The following FREM2 variants were observed in gnomAD, a reference collection of about 807,000 sequenced individuals.
The protein encoded by FREM2 is FRAS1-related extracellular matrix protein 2.
FREM2 carries 119 observed loss-of-function variants against 219.9 expected under a neutral mutation model. The ratio of observed to expected loss-of-function variants is 0.54; its 90% CI spans 0.47 to 0.63. The LOEUF (loss-of-function observed/expected upper bound fraction) is 0.63. FREM2 is among the 30% of genes least tolerant of loss of function. FREM2 has a pLI of 0.00. For synonymous variants in FREM2, 1,562 were observed against 1,522.8 expected, an observed-to-expected ratio of 1.03 and a Z score of -0.60; for missense variants, 4,030 against 3,993.6, an observed-to-expected ratio of 1.01 and a Z score of -0.25.
intron 2 of FREM2, among the ~76,000 whole-genome samples, chr13:38,706,420 A>T (rs146467553): frequency 6.6e-6 from 1 of 152,192 alleles, no homozygotes; most frequent in Admixed American, 6.5e-5. Flanking sequence ...TCATAGAGAA[A>T]AAAGCAAGTA....
intron 6 of FREM2, among the ~76,000 whole-genome samples, chr13:38,845,247 CAACTT>C (rs67753331): frequency 0.12 from 18,710 of 152,124 alleles, 1,362 homozygotes; most frequent in Admixed American, 0.21. Flanking sequence ...AAATCATACT[CAACTT>C]GAACAATGCA....
At chr13:38,724,026 A>G (rs1871409061) in intron 2 of FREM2, among the ~76,000 whole-genome samples, 1 of 152,134 alleles carries the variant, frequency 6.6e-6, no homozygotes, top group Admixed American at 6.6e-5. Flanking sequence ...TACAATTCAA[A>G]TGTTCTGGAG....
chr13:38,690,635 C>T lies in FREM2; in HGVS notation c.3291C>T (p.Ser1097=). The T allele has an allele frequency of 6.2e-7, 1 of 1,613,652 alleles. No individual in the cohort carries two copies. The highest frequency in any genetic ancestry group is 8.5e-7 in the Non-Finnish European group (1 of 1,179,838). ...SVHISAEDVD[S]LNDDILCTIV... ...ATATAAGTGCTGAAGATGTCGACTC[C>T]CTGAATGATGACATCTTGTGCACTA... is the stretch of plus-strand genomic sequence containing the variant. Residue 1097 remains serine (S), a synonymous_variant, in exon 1 of 24, where the codon TCC becomes TCT. Transcript: ENST00000280481.
chr13:38,732,038 T>A (rs780953640), intron 2 of FREM2, among the ~76,000 whole-genome samples: 12 of 152,214 alleles, frequency 7.9e-5, no homozygotes, highest in Non-Finnish European at 5.9e-5. Context: ...TTACTTTGTG[T>A]TCAGTTAAAT....
intron 6 of FREM2, among the ~76,000 whole-genome samples, chr13:38,828,653 G>A (rs1259935330): frequency 2.6e-5 from 4 of 152,036 alleles, no homozygotes; most frequent in Non-Finnish European, 5.9e-5. Context: ...CCAGTTTATA[G>A]TGAGCTATGA....
chr13:38,695,638 C>G (rs942387758), intron 1 of FREM2, among the ~76,000 whole-genome samples: 3 of 152,208 alleles, frequency 2.0e-5, no homozygotes, highest in East Asian at 1.9e-4. Context: ...TCCACATGGC[C>G]AGAGGTCATG....
At chr13:38,807,202 T>C (rs1337998759) in intron 6 of FREM2, among the ~76,000 whole-genome samples, 1 of 98,578 alleles carries the variant, frequency 1.0e-5, no homozygotes, top group African/African-American at 4.3e-5. Flanking sequence ...TATATATATA[T>C]ATATATATAT....
intron 2 of FREM2, among the ~76,000 whole-genome samples, chr13:38,734,372 G>A (rs546233224): frequency 4.6e-5 from 7 of 152,056 alleles, no homozygotes; most frequent in Non-Finnish European, 8.8e-5. Context: ...AAGAAGAAAC[G>A]TATTTCTTTC....
At chr13:38,856,300 T>A in intron 12 of FREM2, 44 bp downstream of exon 12, 1 of 1,575,114 alleles carries the variant, frequency 6.3e-7, no homozygotes, top group East Asian at 2.3e-5. Context: ...TAGCAGTTTG[T>A]CAGAGGAAAT....
rs1034768349 is a variant in FREM2 at position 38,856,253 on chromosome 13, G to A, written c.7053G>A (p.Met2351Ile). 8.7e-6 allele frequency: 14 copies of A among 1,611,608 alleles called. No homozygotes were observed. In the African/African-American group the frequency reaches 1.1e-4, roughly 12 times the overall value. ...LKPDENMIAE[M>I]QLTKAIVYIE... Reference sequence around the variant, plus strand: ...CTGATGAAAATATGATAGCAGAGATGCAGGTAAGTAATGTAATGTGTATGT... The same window carrying A: ...CTGATGAAAATATGATAGCAGAGATACAGGTAAGTAATGTAATGTGTATGT... Residue 2351 changes from methionine to isoleucine, a missense_variant, in exon 12 of 24, where the codon ATG becomes ATA. Coordinates refer to ENST00000280481, the MANE Select transcript of FREM2 (RefSeq NM_207361.6).
chr13:38,752,691 C>A (rs1213847768), intron 2 of FREM2, among the ~76,000 whole-genome samples: 1 of 152,068 alleles, frequency 6.6e-6, no homozygotes, highest in Non-Finnish European at 1.5e-5. Context: ...GTGGATATAC[C>A]ACATTTTCAA....
chr13:38,738,907 A>T (rs1232324080), intron 2 of FREM2, among the ~76,000 whole-genome samples: 3 of 152,186 alleles, frequency 2.0e-5, no homozygotes, highest in African/African-American at 4.8e-5. Context: ...GGTGAAACAG[A>T]TGAGATTTTT....
chr13:38,768,543 C>G lies in FREM2; in HGVS notation c.5411-1035C>G, dbSNP rs150436096. Reference sequence around the variant, plus strand: ...CCACCCACCTCGCCCTTCCAAACTGCTGGGATGATAAACCTGAGCCACCAT... The same window carrying G: ...CCACCCACCTCGCCCTTCCAAACTGGTGGGATGATAAACCTGAGCCACCAT... On this transcript the variant is annotated intron_variant, in intron 3 of 23. Coordinates refer to ENST00000280481, the MANE Select transcript of FREM2 (RefSeq NM_207361.6). Among the ~76,000 whole-genome samples, 629 of 152,270 alleles carry G rather than the reference C, an allele frequency of 4.1e-3. 7 individuals carry two copies. The highest frequency in any genetic ancestry group is 0.014 in the African/African-American group (586 of 41,546).
Position 38,880,792 on chromosome 13 carries a change from T to A in FREM2, c.*5T>A. The A allele has an allele frequency of 6.2e-7, 1 of 1,614,070 alleles. No homozygotes were observed. The highest frequency in any genetic ancestry group is 1.1e-5 in the South Asian group (1 of 91,088). On this transcript the variant is annotated 3_prime_UTR_variant, in exon 24 of 24. Transcript: ENST00000280481. ...AATGACAGCTCAGAAGTTTGATGAC[T>A]GCAGGTAGAATTCAACCTTTTCCGT... is the stretch of plus-strand genomic sequence containing the variant.
At chr13:38,747,206 G>T (rs1452284819) in intron 2 of FREM2, among the ~76,000 whole-genome samples, 2 of 152,076 alleles carry the variant, frequency 1.3e-5, no homozygotes, top group African/African-American at 4.8e-5. Flanking sequence ...TATCATTAAG[G>T]TATTAAAAGA....
In FREM2 at chr13:38,881,008, A is replaced by G. The variant is rs1878527312; in HGVS notation, c.*221A>G. ...TTCCTCTTGCCCCAAAGGCAGCAAC[A>G]ACGTACTCATATGTACACAGAGCCA... On this transcript the variant is annotated 3_prime_UTR_variant, in exon 24 of 24. Coordinates refer to ENST00000280481, the MANE Select transcript of FREM2 (RefSeq NM_207361.6). 1.6e-6 allele frequency: 1 copy of G among 619,208 alleles called. No homozygotes were observed. The highest frequency in any genetic ancestry group is 2.4e-5 in the Admixed American group (1 of 42,478). The allele number at this position is 619,208 out of a possible 1,614,324, so 38.4% of individuals were successfully genotyped here.
Position 38,688,639 on chromosome 13 carries a change from A to G in FREM2, c.1295A>G (p.Lys432Arg). ...CCTTTTGCCTTCATGGTAGTGGTGA[A>G]GCCCATGAACACAATGGCTCCGGTG... ...SDPFAFMVVV[K>R]PMNTMAPVVT... Residue 432 changes from lysine (K) to arginine (R), a missense_variant, in exon 1 of 24, where the codon AAG (lysine) becomes AGG (arginine). Lys to Arg is a conservative substitution (Grantham distance 26). Around this residue, in one of 2 missense-constraint regions of FREM2, gnomAD observed 3,102 missense variants for 2,950.7 expected, o/e 1.05. Transcript: ENST00000280481. 1 of 1,614,108 alleles carries G rather than the reference A, an allele frequency of 6.2e-7. No individual in the cohort carries two copies. The highest frequency in any genetic ancestry group is 8.5e-7 in the Non-Finnish European group (1 of 1,179,958).
intron 2 of FREM2, among the ~76,000 whole-genome samples, chr13:38,732,576 A>T (rs1424970563): frequency 6.6e-6 from 1 of 152,196 alleles, no homozygotes; most frequent in African/African-American, 2.4e-5. Flanking sequence ...AGTGGTGTGG[A>T]AAGCCGGGGG....
chr13:38,835,120 T>C (rs1876658079), intron 6 of FREM2, among the ~76,000 whole-genome samples: 1 of 152,234 alleles, frequency 6.6e-6, no homozygotes, highest in South Asian at 2.1e-4. Context: ...CAGTTAATTT[T>C]TGTATAAGCT....
Sources: allele counts gnomAD v4.1 joint callset (sites outside exome capture counted in the v4.1 genomes callset), GRCh38; gene constraint gnomAD v4.1.1; regional missense constraint gnomAD v4.1.1; transcripts MANE v1.5; gene names NCBI Gene and HGNC (gene_info 2026-07-23, HGNC 2026-07-21).